Variants in PCDH9 observed in about 807,000 individuals in gnomAD.
The protein encoded by PCDH9 is protocadherin-9.
A neutral mutation model predicts 70.6 loss-of-function variants in PCDH9; 24 were observed. The ratio of observed to expected loss-of-function variants is 0.34; its 90% confidence interval spans 0.25 to 0.48. The LOEUF (loss-of-function observed/expected upper bound fraction) is 0.48, where lower values mean the gene tolerates loss of function less well. Among genes scored for constraint, PCDH9 ranks in the 20% least tolerant of loss-of-function variants. PCDH9 has a pLI of 0.99. For synonymous variants in PCDH9, 562 were observed against 558.5 expected (o/e 1.01, Z -0.09); for missense variants, 1,281 against 1,503.6 (o/e 0.85, Z 2.45).
chr13:67,048,619 G>A (rs2085266785), intron 2 of PCDH9, among the ~76,000 whole-genome samples: 1 of 152,204 alleles, frequency 6.6e-6, no homozygotes, highest in South Asian at 2.1e-4. Flanking sequence ...GTAAATGTGT[G>A]GGTGGGGAAT....
intron 3 of PCDH9, among the ~76,000 whole-genome samples, chr13:66,800,487 C>T (rs796880771): frequency 5.3e-5 from 8 of 152,136 alleles, no homozygotes; most frequent in African/African-American, 1.9e-4. Flanking sequence ...TTTCCAGCAC[C>T]CTCATGTAAG....
intron 2 of PCDH9, among the ~76,000 whole-genome samples, chr13:66,972,386 C>A (rs932171451): frequency 6.6e-6 from 1 of 151,808 alleles, no homozygotes; most frequent in Non-Finnish European, 1.5e-5. Context: ...AAATTAATAA[C>A]TTTCTCTTAA....
At chr13:66,562,726 C>G (rs1345090508) in intron 4 of PCDH9, among the ~76,000 whole-genome samples, 1 of 152,170 alleles carries the variant, frequency 6.6e-6, no homozygotes, top group Non-Finnish European at 1.5e-5. Flanking sequence ...GGTGGAGACA[C>G]AGCCAAATGG....
At chr13:67,130,892 G>GCC (rs1387951111) in intron 2 of PCDH9, among the ~76,000 whole-genome samples, 1 of 152,028 alleles carries the variant, frequency 6.6e-6, no homozygotes, top group East Asian at 1.9e-4. Context: ...TTGCCGTTGA[G>GCC]CCCCCCTCTT....
chr13:67,008,257 T>C (rs200265371), intron 2 of PCDH9, among the ~76,000 whole-genome samples: 2 of 152,232 alleles, frequency 1.3e-5, no homozygotes, highest in African/African-American at 4.8e-5. Context: ...AAAAGCACTA[T>C]AACTAACAGT....
At chr13:67,217,163 G>T (rs1192469400) in intron 2 of PCDH9, 1 of 151,706 alleles carries the variant, frequency 6.6e-6, no homozygotes, top group Non-Finnish European at 1.5e-5. Flanking sequence ...GTCTACTATA[G>T]AACTACTACT....
Position 66,374,168 on chromosome 13 carries a change from A to T in PCDH9, c.3341-69140T>A, listed in dbSNP as rs113094092. On this transcript the variant is annotated intron_variant, in intron 4 of 4. Coordinates refer to ENST00000377865, the MANE Select transcript of PCDH9 (RefSeq NM_203487.3). Reference sequence around the variant, plus strand: ...ACAAAGGAGATAATATAGACTCAAAAATCTGAACTCACTTACCAGGTCTGT... The same window carrying T: ...ACAAAGGAGATAATATAGACTCAAATATCTGAACTCACTTACCAGGTCTGT... Among the ~76,000 whole-genome samples, 633 of 152,098 alleles carry T rather than the reference A, an allele frequency of 4.2e-3. 3 individuals carry two copies. Among genetic ancestry groups the T allele is most frequent in the African/African-American group, 0.014 (601 of 41,508 alleles).
At chr13:66,827,096 G>A (rs1005626825) in intron 3 of PCDH9, among the ~76,000 whole-genome samples, 1 of 152,122 alleles carries the variant, frequency 6.6e-6, no homozygotes, top group Non-Finnish European at 1.5e-5. Context: ...TAGAAGAGTG[G>A]TAGGAGACAT....
intron 3 of PCDH9, among the ~76,000 whole-genome samples, chr13:66,829,717 CAAAA>C (rs562176354): frequency 1.5e-3 from 82 of 53,124 alleles, no homozygotes; most frequent in African/African-American, 5.3e-3. Context: ...GACTCCGTCT[CAAAA>C]AAAAAAAAAA....
intron 4 of PCDH9, among the ~76,000 whole-genome samples, chr13:66,597,946 T>A: frequency 6.6e-6 from 1 of 151,414 alleles, no homozygotes; most frequent in East Asian, 1.9e-4. Flanking sequence ...CAAAGATGCA[T>A]ACAAATGGCC....
At chr13:66,810,928 C>T (rs1276710791) in intron 3 of PCDH9, among the ~76,000 whole-genome samples, 1 of 151,614 alleles carries the variant, frequency 6.6e-6, no homozygotes, top group Non-Finnish European at 1.5e-5. Flanking sequence ...TACAAAATTC[C>T]CTTTACCTAA....
chr13:66,908,494 C>T (rs2082401481), intron 2 of PCDH9, among the ~76,000 whole-genome samples: 1 of 152,156 alleles, frequency 6.6e-6, no homozygotes, highest in Non-Finnish European at 1.5e-5. Context: ...TTTTCTCAGA[C>T]ACAGGAACAA....
rs375216400 is a variant in PCDH9 at position 66,868,929 on chromosome 13, C to T, written c.3138+34575G>A. Among the ~76,000 whole-genome samples the T allele has an allele frequency of 2.8e-4, 42 of 152,128 alleles. No individual in the cohort carries two copies. The East Asian group carries it at 2.9e-3, about 10-fold the overall frequency. On this transcript the variant is annotated intron_variant, in intron 3 of 4. Transcript: ENST00000377865. Reference sequence around the variant, plus strand: ...CTTACAGACTAGCATGATAAATATACGCTTAAGAACTGTATATAATAATGT... The same window carrying T: ...CTTACAGACTAGCATGATAAATATATGCTTAAGAACTGTATATAATAATGT...
intron 4 of PCDH9, among the ~76,000 whole-genome samples, chr13:66,428,524 C>T (rs1444126657): frequency 4.0e-5 from 6 of 151,574 alleles, no homozygotes; most frequent in Non-Finnish European, 7.4e-5. Flanking sequence ...ACTTTTAGTC[C>T]GTGGTGAAAT....
intron 4 of PCDH9, among the ~76,000 whole-genome samples, chr13:66,425,582 C>CTGTG (rs2138361204): frequency 6.6e-6 from 1 of 151,226 alleles, no homozygotes; most frequent in Admixed American, 6.6e-5. Context: ...ATACCTTTGA[C>CTGTG]TGTGTATTTG....
intron 3 of PCDH9, among the ~76,000 whole-genome samples, chr13:66,727,288 A>T (rs2079018092): frequency 6.6e-6 from 1 of 152,094 alleles, no homozygotes; most frequent in African/African-American, 2.4e-5. Context: ...ATAAAATAAA[A>T]ATTTTAAACC....
chr13:66,414,887 G>C (rs1007929309), intron 4 of PCDH9, among the ~76,000 whole-genome samples: 1 of 152,046 alleles, frequency 6.6e-6, no homozygotes, highest in African/African-American at 2.4e-5. Flanking sequence ...ATGGATATCT[G>C]TTTTCCTGTA....
At chr13:66,584,018 C>T (rs949930907) in intron 4 of PCDH9, among the ~76,000 whole-genome samples, 1 of 152,142 alleles carries the variant, frequency 6.6e-6, no homozygotes, top group African/African-American at 2.4e-5. Context: ...AAAACCTACG[C>T]CTCACAAGTA....
At chr13:66,721,184 G>C (rs1227554166) in intron 3 of PCDH9, among the ~76,000 whole-genome samples, 1 of 152,116 alleles carries the variant, frequency 6.6e-6, no homozygotes, top group Non-Finnish European at 1.5e-5. Context: ...GATGATATTT[G>C]ACTAATTTGG....
Sources: gnomAD v4.1 joint callset for allele counts (sites outside exome capture counted in the v4.1 genomes callset) on GRCh38, gnomAD v4.1.1 for gene constraint, MANE v1.5 for transcripts, NCBI Gene and HGNC (gene_info 2026-07-23, HGNC 2026-07-21) for gene names.